ZNF638: variants seen among roughly 807,000 people sequenced by gnomAD.
ZNF638 encodes zinc finger protein 638, also known as CTCL tumor antigen se33-1.
ZNF638 carries 46 observed loss-of-function variants against 195.6 expected under a neutral mutation model. That is an observed-to-expected ratio of 0.24 (90% confidence interval 0.19 to 0.30). ZNF638 has a LOEUF of 0.30. Ranked by LOEUF, ZNF638 falls within the 10% of genes least tolerant of loss-of-function variation. The pLI is 1.00. For synonymous variants in ZNF638, 845 were observed against 772.0 expected, an observed-to-expected ratio of 1.09 and a Z score of -1.57; for missense variants, 2,440 against 2,325.3, an observed-to-expected ratio of 1.05 and a Z score of -1.01.
At chr2:71,419,091 C>G (rs909437423) in intron 21 of ZNF638, among the ~76,000 whole-genome samples, 1 of 151,990 alleles carries the variant, frequency 6.6e-6, no homozygotes, top group African/African-American at 2.4e-5. Flanking sequence ...AAGTATTTGT[C>G]CAAAAAAATT....
At chr2:71,348,558 G>C in intron 1 of ZNF638, 195 bp from the exon 2 acceptor site, 1 of 1,187,566 alleles carries the variant, frequency 8.4e-7, no homozygotes, top group Non-Finnish European at 1.1e-6. Context: ...TTTGGGGCTT[G>C]TGTTCTGCAT....
At chr2:71,398,471 C>T (rs1379113355) in intron 11 of ZNF638, among the ~76,000 whole-genome samples, 3 of 152,100 alleles carry the variant, frequency 2.0e-5, no homozygotes, top group Non-Finnish European at 4.4e-5. Context: ...GATGTTTGAC[C>T]TATACCCCAG....
Position 71,394,282 on chromosome 2 carries a change from T to C in ZNF638, c.2378-1859T>C, listed in dbSNP as rs570029444. On this transcript the variant is annotated intron_variant, in intron 10 of 27. Transcript: ENST00000264447. ...GGGATGGGATATCCCAGACCCCAAG[T>C]AGAGTCCTTGCCACCCCAAGACACT... Among the ~76,000 whole-genome samples the C allele has an allele frequency of 2.6e-5, 4 of 152,296 alleles. No individual in the cohort carries two copies. The South Asian group carries it at 6.2e-4, about 24-fold the overall frequency.
At position 71,434,793 on chromosome 2, in the gene ZNF638, A is replaced by G. The variant is rs1469328233; in HGVS notation, c.5923A>G (p.Arg1975Gly). Reference protein sequence around the residue: ...KEKEQNEAEERSSR With the variant: ...KEKEQNEAEEGSSR ...AAAGGAGCAGAATGAGGCTGAAGAA[A>G]GAAGCTCTAGGTGATTGGGGGAAAG... Residue 1975 changes from arginine (R) to glycine (G), a missense_variant, in exon 28 of 28, where the codon AGA becomes GGA. Around this residue, in one of 5 missense-constraint regions of ZNF638, gnomAD observed 1,883 missense variants for 1,739.1 expected, o/e 1.08. Coordinates refer to ENST00000264447, the MANE Select transcript of ZNF638 (RefSeq NM_014497.5). 6.2e-7 allele frequency: 1 copy of G among 1,610,862 alleles called. No homozygotes were observed. The highest frequency in any genetic ancestry group is 1.3e-5 in the African/African-American group (1 of 74,698).
intron 18 of ZNF638, 101 bp downstream of exon 18, chr2:71,405,743 A>G: frequency 1.2e-6 from 1 of 862,216 alleles, no homozygotes. Context: ...AACTAATTTT[A>G]AGATATTGAG....
intron 6 of ZNF638, 43 bp downstream of exon 6, chr2:71,365,749 C>T (rs1415552451): frequency 6.7e-7 from 1 of 1,502,968 alleles, no homozygotes; most frequent in Non-Finnish European, 8.9e-7. Flanking sequence ...TAAGGTTTCA[C>T]TCTGTCATCC....
chr2:71,368,594 T>C, intron 7 of ZNF638, 66 bp downstream of exon 7: 1 of 1,558,964 alleles, frequency 6.4e-7, no homozygotes, highest in East Asian at 2.3e-5. Context: ...TATAAATTGC[T>C]GTTGTGTTCC....
In ZNF638 at chr2:71,426,711, A is replaced by G. The variant is rs746181997; in HGVS notation, c.4842A>G (p.Leu1614=). ...IGEEEDAAAH[L]AQALVTVDEV... ...AAGAGGAAGATGCAGCTGCACATCT[A>G]GCACAAGCTCTAGTCACTGTGGATG... The change falls in exon 24 of 28, where the codon CTA becomes CTG. Residue 1614 remains leucine, a synonymous_variant. Transcript: ENST00000264447. The G allele has an allele frequency of 1.2e-6, 2 of 1,614,232 alleles. No homozygotes were observed. Among genetic ancestry groups the G allele is most frequent in the South Asian group, 2.2e-5 (2 of 91,086 alleles).
At chr2:71,342,377 A>C (rs2078776548) in intron 1 of ZNF638, among the ~76,000 whole-genome samples, 1 of 151,434 alleles carries the variant, frequency 6.6e-6, no homozygotes, top group Admixed American at 6.6e-5. Context: ...CCCTTCATCT[A>C]CCACCACCAC....
At chr2:71,405,368 T>TATATATATA (rs2080085863) in intron 17 of ZNF638, among the ~76,000 whole-genome samples, 4 of 152,244 alleles carry the variant, frequency 2.6e-5, no homozygotes, top group Admixed American at 2.6e-4. Context: ...ACTATCTTAT[T>TATATATATA]AGTCTTTTAT....
chr2:71,350,302 A>C, intron 2 of ZNF638, 31 bp downstream of exon 2: 1 of 1,574,244 alleles, frequency 6.4e-7, no homozygotes, highest in South Asian at 1.1e-5. Flanking sequence ...ATCACTGTAT[A>C]ATGATGCTCA....
intron 3 of ZNF638, among the ~76,000 whole-genome samples, chr2:71,359,126 A>G (rs1457416797): frequency 2.0e-5 from 3 of 152,124 alleles, no homozygotes; most frequent in African/African-American, 7.2e-5. Context: ...AGGTATGCCT[A>G]TGTATCGATA....
intron 10 of ZNF638, among the ~76,000 whole-genome samples, chr2:71,391,547 A>G (rs534264855): frequency 6.6e-6 from 1 of 152,200 alleles, no homozygotes; most frequent in East Asian, 1.9e-4. Flanking sequence ...TTGAGTTTAT[A>G]TGCCTCTGTC....
intron 10 of ZNF638, chr2:71,388,781 T>G: frequency 1.1e-6 from 1 of 895,296 alleles, no homozygotes; most frequent in Non-Finnish European, 1.8e-6. Context: ...CAGACTAGAG[T>G]TTCATCATGA....
chr2:71,434,389 C>T (rs938040865), intron 27 of ZNF638, among the ~76,000 whole-genome samples: 6 of 152,232 alleles, frequency 3.9e-5, no homozygotes, highest in African/African-American at 1.4e-4. Flanking sequence ...CAAAAAAGTT[C>T]AGCCTCAATT....
chr2:71,420,546 A>C (rs1470271626), intron 21 of ZNF638, among the ~76,000 whole-genome samples: 4 of 152,144 alleles, frequency 2.6e-5, no homozygotes, highest in African/African-American at 9.7e-5. Flanking sequence ...CGTTTGTTCT[A>C]ATGCCCAGCT....
At chr2:71,351,905 A>C (rs2078946829) in intron 2 of ZNF638, among the ~76,000 whole-genome samples, 1 of 152,240 alleles carries the variant, frequency 6.6e-6, no homozygotes, top group South Asian at 2.1e-4. Flanking sequence ...GATTTCAGGC[A>C]TGTATCACTC....
Position 71,423,597 on chromosome 2 carries a change from A to C in ZNF638, c.4083A>C (p.Ala1361=). 1 of 1,614,120 alleles carries C rather than the reference A, an allele frequency of 6.2e-7. No homozygotes were observed. Among genetic ancestry groups the C allele is most frequent in the Non-Finnish European group, 8.5e-7 (1 of 1,180,024 alleles). Residue 1361 remains alanine, a synonymous_variant, in exon 22 of 28, where the codon GCA becomes GCC. Transcript: ENST00000264447. ...EKPAENTLFK[A]YPNKGVGQAN... The stretch of plus-strand genomic sequence containing the variant: ...CTGCAGAAAACACTTTATTCAAGGC[A>C]TACCCAAATAAAGGAGTGGGTCAGG...
At chr2:71,433,984 G>A (rs192674487) in intron 27 of ZNF638, among the ~76,000 whole-genome samples, 5 of 152,264 alleles carry the variant, frequency 3.3e-5, no homozygotes, top group East Asian at 1.9e-4. Context: ...TTTGAACTCC[G>A]CTCTATTTCA....
Sources: allele counts gnomAD v4.1 joint callset (sites outside exome capture counted in the v4.1 genomes callset), GRCh38; gene constraint gnomAD v4.1.1; regional missense constraint gnomAD v4.1.1; transcripts MANE v1.5; gene names NCBI Gene and HGNC (gene_info 2026-07-23, HGNC 2026-07-21).